Variants in FMN2 observed in about 807,000 individuals in gnomAD.
FMN2 encodes the protein formin-2.
In FMN2, 51 loss-of-function variants were observed where a neutral mutation model predicts 142.3. The ratio of observed to expected loss-of-function variants is 0.36; its 90% CI spans 0.29 to 0.45. FMN2 has a LOEUF of 0.45. Among genes scored for constraint, FMN2 ranks in the 20% least tolerant of loss-of-function variants. The pLI, the probability that FMN2 is intolerant of heterozygous loss-of-function variation, is 1.00. For missense variants in FMN2, 1,936 were observed against 2,122.8 expected (o/e 0.91, Z 1.73); for synonymous variants, 882 against 869.8 (o/e 1.01, Z -0.25).
At chr1:240,266,673 A>G (rs933519777) in intron 7 of FMN2, among the ~76,000 whole-genome samples, 1 of 152,086 alleles carries the variant, frequency 6.6e-6, no homozygotes, top group African/African-American at 2.4e-5. Flanking sequence ...TGATGAACAT[A>G]TGAGTGCATG....
At chr1:240,159,974 T>TATACACACACACACACAC (rs1202421069) in intron 2 of FMN2, among the ~76,000 whole-genome samples, 1 of 134,076 alleles carries the variant, frequency 7.5e-6, no homozygotes, top group African/African-American at 2.8e-5. Context: ...TATATATATA[T>TATACACACACACACACAC]ACACACACAC....
chr1:240,111,746 A>AGGTCTC (rs1661815416), intron 1 of FMN2, among the ~76,000 whole-genome samples: 1 of 152,176 alleles, frequency 6.6e-6, no homozygotes, highest in Non-Finnish European at 1.5e-5. Context: ...GCATCCCAGT[A>AGGTCTC]GGTCTCGGTC....
chr1:240,118,300 A>G (rs1458335083), intron 1 of FMN2, among the ~76,000 whole-genome samples: 1 of 152,208 alleles, frequency 6.6e-6, no homozygotes, highest in African/African-American at 2.4e-5. Flanking sequence ...CGGGTAGCAC[A>G]GCAGAGAAGG....
At chr1:240,414,517 A>T (rs1674514474) in intron 15 of FMN2, among the ~76,000 whole-genome samples, 1 of 152,228 alleles carries the variant, frequency 6.6e-6, no homozygotes, top group Non-Finnish European at 1.5e-5. Flanking sequence ...TAATTAATAA[A>T]ATATTGGCAT....
chr1:240,195,807 C>G (rs1558352537), intron 4 of FMN2, among the ~76,000 whole-genome samples: 2 of 151,996 alleles, frequency 1.3e-5, no homozygotes, highest in Non-Finnish European at 2.9e-5. Flanking sequence ...CACTTGAGCC[C>G]AGGAGTCTGA....
At chr1:240,215,778 G>T (rs1008439354) in intron 6 of FMN2, among the ~76,000 whole-genome samples, 1 of 151,884 alleles carries the variant, frequency 6.6e-6, no homozygotes, top group Non-Finnish European at 1.5e-5. Context: ...GCATGATCTT[G>T]GCTCACTGCA....
intron 7 of FMN2, among the ~76,000 whole-genome samples, chr1:240,258,940 T>C (rs889102686): frequency 3.9e-5 from 6 of 152,228 alleles, no homozygotes; most frequent in African/African-American, 1.4e-4. Flanking sequence ...ACTGGCTTTC[T>C]AGCTTACCCC....
intron 15 of FMN2, among the ~76,000 whole-genome samples, chr1:240,418,257 T>G (rs1243267534): frequency 4.6e-5 from 7 of 151,386 alleles, no homozygotes; most frequent in African/African-American, 1.7e-4. Flanking sequence ...TGGAATGCAG[T>G]GGCACAATCT....
chr1:240,357,950 CTT>C (rs33954136), intron 14 of FMN2, among the ~76,000 whole-genome samples: 15,515 of 151,658 alleles, frequency 0.1, 968 homozygotes, highest in African/African-American at 0.18. Context: ...CAGATATTAA[CTT>C]TTTTTTTAAT....
chr1:240,369,724 A>G (rs1023410360), intron 14 of FMN2, among the ~76,000 whole-genome samples: 1 of 152,032 alleles, frequency 6.6e-6, no homozygotes, highest in African/African-American at 2.4e-5. Context: ...CTCGGGTCCA[A>G]TTTTTGCTTC....
At chr1:240,368,751 G>A (rs1257447787) in intron 14 of FMN2, among the ~76,000 whole-genome samples, 1 of 151,996 alleles carries the variant, frequency 6.6e-6, no homozygotes, top group Non-Finnish European at 1.5e-5. Context: ...TCACAAAGGG[G>A]CATAATTAGA....
At chr1:240,179,007 T>C (rs1665042422) in intron 3 of FMN2, among the ~76,000 whole-genome samples, 1 of 152,216 alleles carries the variant, frequency 6.6e-6, no homozygotes, top group Non-Finnish European at 1.5e-5. Context: ...AGCATGGAGC[T>C]TGGGCTCTGC....
Position 240,346,763 on chromosome 1 carries a change from T to TCATCTGGAC in FMN2, c.4766-9052_4766-9051insATCTGGACC, listed in dbSNP as rs11282508. On this transcript the variant is annotated intron_variant, in intron 13 of 17. Transcript: ENST00000319653. ...TGTTTGAATTTGAGTTGATATTTAG[T>TCATCTGGAC]CCCACAAATTTAAAATATGTGACTG... 5.4e-3 allele frequency among the ~76,000 whole-genome samples: 820 copies of TCATCTGGAC among 151,976 alleles called. 3 individuals carry two copies. Among genetic ancestry groups the TCATCTGGAC allele is most frequent in the South Asian group, 0.024 (115 of 4,828 alleles).
intron 7 of FMN2, chr1:240,285,321 T>C (rs890225202): frequency 2.6e-5 from 12 of 454,816 alleles, no homozygotes; most frequent in Non-Finnish European, 4.4e-5. Flanking sequence ...ACCAAGCAGA[T>C]GGAGGCTCCG....
intron 13 of FMN2, among the ~76,000 whole-genome samples, chr1:240,346,428 CA>C (rs995946631): frequency 1.3e-5 from 2 of 151,992 alleles, no homozygotes; most frequent in African/African-American, 2.4e-5. Context: ...TGTGCTTAAC[CA>C]TTGGTAACTG....
chr1:240,258,400 C>T (rs377641306), intron 7 of FMN2, among the ~76,000 whole-genome samples: 10 of 152,164 alleles, frequency 6.6e-5, no homozygotes, highest in South Asian at 4.2e-4. Flanking sequence ...TGGTGAGGGC[C>T]GTCTTTCAGG....
intron 15 of FMN2, among the ~76,000 whole-genome samples, chr1:240,402,946 G>A (rs1159086706): frequency 6.6e-6 from 1 of 152,126 alleles, no homozygotes; most frequent in African/African-American, 2.4e-5. Flanking sequence ...ATTTTCAGGT[G>A]AAATTGACTT....
chr1:240,158,316 A>G (rs1304548604), intron 2 of FMN2, among the ~76,000 whole-genome samples: 1 of 152,108 alleles, frequency 6.6e-6, no homozygotes, highest in Non-Finnish European at 1.5e-5. Context: ...AGGTAGGAGA[A>G]CCTTTCTGTC....
intron 14 of FMN2, among the ~76,000 whole-genome samples, chr1:240,391,678 T>C (rs1673608708): frequency 6.6e-6 from 1 of 152,160 alleles, no homozygotes; most frequent in African/African-American, 2.4e-5. Context: ...TTTTAAAATC[T>C]GATAGATAGG....
Sources: gnomAD v4.1 joint callset for allele counts (sites outside exome capture counted in the v4.1 genomes callset) on GRCh38, gnomAD v4.1.1 for gene constraint, MANE v1.5 for transcripts, NCBI Gene and HGNC (gene_info 2026-07-23, HGNC 2026-07-21) for gene names.